Variants in MERTK observed in about 807,000 individuals in gnomAD.
MERTK encodes MER proto-oncogene, tyrosine kinase.
In MERTK, 69 loss-of-function variants were observed where a neutral mutation model predicts 99.3. That is an observed-to-expected ratio of 0.70 (90% CI 0.57 to 0.85). The LOEUF is 0.85. Ranked by LOEUF, MERTK falls within the 40% of genes least tolerant of loss-of-function variation. The probability of loss-of-function intolerance (pLI) is 0.00; values close to 1 mark genes in which losing one functional copy is unlikely to be tolerated. For missense variants in MERTK, 1,125 were observed against 1,249.4 expected, an observed-to-expected ratio of 0.90 and a Z score of 1.50; for synonymous variants, 426 against 467.6, an observed-to-expected ratio of 0.91 and a Z score of 1.15.
rs1245563628 is a variant in MERTK at position 111,928,320 on chromosome 2, G to GAGATC, written c.62-800_62-799insAGATC. ...GGCTCACCACAGCCTTGATCTCCTGGGCTCAAGCGATCCTCCTTCCTCAGC... is the reference window on the plus strand; with the variant it reads ...GGCTCACCACAGCCTTGATCTCCTGGAGATCGCTCAAGCGATCCTCCTTCCTCAGC... On this transcript the variant is annotated intron_variant, in intron 1 of 18. Coordinates refer to ENST00000295408, the MANE Select transcript of MERTK (RefSeq NM_006343.3). Among the ~76,000 whole-genome samples, 4 of 146,348 alleles carry GAGATC rather than the reference G, an allele frequency of 2.7e-5. No individual in the cohort carries two copies. The East Asian group carries it at 6.0e-4, about 22-fold the overall frequency.
rs573011885 is a variant in MERTK at position 111,962,364 on chromosome 2, G to A, written c.758-2827G>A. Among the ~76,000 whole-genome samples, 23 of 152,198 alleles carry A rather than the reference G, an allele frequency of 1.5e-4. No individual in the cohort carries two copies. The South Asian group carries it at 2.9e-3, about 19-fold the overall frequency. ...CTCTACTAAAAATACAGAATTAGCC[G>A]GGCATGGTGGCAGGTGCCTGTAATC... On this transcript the variant is annotated intron_variant, in intron 4 of 18. Transcript: ENST00000295408.
chr2:111,998,552 A>G (rs185587851), intron 10 of MERTK, among the ~76,000 whole-genome samples: 13 of 152,350 alleles, frequency 8.5e-5, no homozygotes, highest in African/African-American at 2.9e-4. Flanking sequence ...CAACTGTAAT[A>G]CATTCTATAT....
At chr2:112,002,445 C>A (rs1300822848) in intron 11 of MERTK, among the ~76,000 whole-genome samples, 1 of 152,066 alleles carries the variant, frequency 6.6e-6, no homozygotes, top group Non-Finnish European at 1.5e-5. Context: ...AAAGAATTCA[C>A]CAGAAATTAC....
intron 4 of MERTK, among the ~76,000 whole-genome samples, chr2:111,948,885 C>G (rs1373040018): frequency 6.6e-6 from 1 of 152,024 alleles, no homozygotes; most frequent in African/African-American, 2.4e-5. Flanking sequence ...AGACTGTCAC[C>G]CAGTCCTTCC....
chr2:111,932,459 G>A (rs1684691226), intron 2 of MERTK, among the ~76,000 whole-genome samples: 1 of 152,202 alleles, frequency 6.6e-6, no homozygotes, highest in Non-Finnish European at 1.5e-5. Context: ...GGGATTATAG[G>A]CGTGAGCCAC....
intron 1 of MERTK, among the ~76,000 whole-genome samples, chr2:111,928,009 A>C (rs1177782543): frequency 6.6e-6 from 1 of 152,212 alleles, no homozygotes; most frequent in Non-Finnish European, 1.5e-5. Context: ...TCAGAAAGCT[A>C]AAAGTACAGC....
intron 15 of MERTK, among the ~76,000 whole-genome samples, chr2:112,015,436 T>C (rs1677198130): frequency 6.6e-6 from 1 of 152,216 alleles, no homozygotes; most frequent in African/African-American, 2.4e-5. Flanking sequence ...ACTAATGATG[T>C]TGAGCATCTT....
At chr2:112,010,310 T>A in intron 15 of MERTK, 2 of 428,600 alleles carry the variant, frequency 4.7e-6, no homozygotes, top group South Asian at 2.1e-5. Context: ...GGACAAAGCC[T>A]TACCAACTTG....
chr2:111,961,156 CTTTTTTTTTTTTT>C (rs1052197732), intron 4 of MERTK, among the ~76,000 whole-genome samples: 2 of 98,082 alleles, frequency 2.0e-5, no homozygotes, highest in Admixed American at 2.3e-4. Context: ...AATTTTCTTT[CTTTTTTTTTTTTT>C]TTTTTTTTTT....
chr2:111,939,590 C>G (rs1482392601), intron 2 of MERTK, among the ~76,000 whole-genome samples: 1 of 151,828 alleles, frequency 6.6e-6, no homozygotes, highest in East Asian at 1.9e-4. Context: ...AAACAATCCT[C>G]CCATCTTAGC....
intron 2 of MERTK, among the ~76,000 whole-genome samples, chr2:111,942,902 A>G (rs775811865): frequency 2.3e-4 from 35 of 152,312 alleles, no homozygotes; most frequent in African/African-American, 4.1e-4. Flanking sequence ...TAGCTGCTCT[A>G]TTTATCACAG....
At chr2:111,963,228 A>G (rs112714191) in intron 4 of MERTK, among the ~76,000 whole-genome samples, 35,538 of 152,122 alleles carry the variant, frequency 0.23, 4,378 homozygotes, top group Middle Eastern at 0.37. Flanking sequence ...CTCCAGCCCT[A>G]AGGCGGTTTT....
chr2:112,016,618 G>A (rs924787812), intron 15 of MERTK, among the ~76,000 whole-genome samples: 8 of 152,188 alleles, frequency 5.3e-5, no homozygotes, highest in African/African-American at 1.4e-4. Flanking sequence ...GGCAGACATT[G>A]TCTCTGGAGC....
chr2:111,937,707 A>G (rs1199980258), intron 2 of MERTK, among the ~76,000 whole-genome samples: 5 of 151,912 alleles, frequency 3.3e-5, no homozygotes, highest in African/African-American at 1.2e-4. Context: ...TTCTTTAACC[A>G]AACTATCTGC....
At chr2:112,011,135 T>C (rs1677094263) in intron 15 of MERTK, among the ~76,000 whole-genome samples, 1 of 152,152 alleles carries the variant, frequency 6.6e-6, no homozygotes, top group South Asian at 2.1e-4. Context: ...AGTGCAGTGG[T>C]GCAATTAGGA....
intron 7 of MERTK, among the ~76,000 whole-genome samples, chr2:111,976,494 G>A (rs989639041): frequency 2.6e-5 from 4 of 151,440 alleles, no homozygotes; most frequent in East Asian, 1.9e-4. Context: ...GGCTATGGGA[G>A]TTGTAAGCCA....
At chr2:111,986,332 T>C (rs955362325) in intron 8 of MERTK, among the ~76,000 whole-genome samples, 1 of 152,234 alleles carries the variant, frequency 6.6e-6, no homozygotes, top group Non-Finnish European at 1.5e-5. Flanking sequence ...AATGCCTCTT[T>C]GAGAGAAGGG....
chr2:112,009,516 G>A (rs1309724673), intron 14 of MERTK, among the ~76,000 whole-genome samples: 1 of 152,210 alleles, frequency 6.6e-6, no homozygotes, highest in Non-Finnish European at 1.5e-5. Flanking sequence ...TCTATCACAT[G>A]AAACTAGTTC....
chr2:112,012,855 G>A (rs1275520237), intron 15 of MERTK, among the ~76,000 whole-genome samples: 2 of 152,130 alleles, frequency 1.3e-5, no homozygotes, highest in Non-Finnish European at 2.9e-5. Flanking sequence ...CAAGAGACAG[G>A]TCCATCTGTA....
Sources: allele counts gnomAD v4.1 joint callset (sites outside exome capture counted in the v4.1 genomes callset), GRCh38; gene constraint gnomAD v4.1.1; transcripts MANE v1.5; gene names NCBI Gene and HGNC (gene_info 2026-07-23, HGNC 2026-07-21).